Variants in JPT1 observed in about 807,000 individuals in gnomAD.
The protein encoded by JPT1 is androgen-regulated protein 2.
JPT1 carries 5 observed loss-of-function variants against 17.0 expected under a neutral mutation model. The observed-to-expected ratio is 0.29, with a 90% confidence interval of 0.15 to 0.62. The LOEUF (loss-of-function observed/expected upper bound fraction) is 0.62. JPT1 is among the 20% of genes least tolerant of loss of function. JPT1 has a pLI of 0.85. For missense variants in JPT1, 158 were observed against 188.1 expected (o/e 0.84, Z 0.94); for synonymous variants, 71 against 73.6 (o/e 0.96, Z 0.18).
intron 1 of JPT1, chr17:75,153,825 G>C (rs1282348165): frequency 6.6e-6 from 1 of 152,204 alleles, no homozygotes; most frequent in Non-Finnish European, 1.5e-5. Context: ...GGAGCCCGCC[G>C]GACCTGATCG....
chr17:75,154,489 ACCACCGCTGCAGGAG>A lies in JPT1; in HGVS notation c.-107_-93del. On this transcript the variant is annotated 5_prime_UTR_variant, in exon 1 of 5. Transcript: ENST00000409753. Reference sequence around the variant, plus strand: ...TGGGAAACTCCACACCCAACAGCCGACCACCGCTGCAGGAGCCGCCGCTGCCGCCTGTCCGGCCGA... The same window carrying A: ...TGGGAAACTCCACACCCAACAGCCGACCGCCGCTGCCGCCTGTCCGGCCGA... The A allele has an allele frequency of 8.0e-7, 1 of 1,243,614 alleles. No homozygotes were observed. 77.0% of individuals were successfully genotyped at this position (1,243,614 alleles called of 1,614,324 possible).
intron 2 of JPT1, 82 bp downstream of exon 2, chr17:75,148,447 A>ACATGCTGG (rs750742328): frequency 6.5e-4 from 987 of 1,525,610 alleles, no homozygotes; most frequent in Non-Finnish European, 8.3e-4. Flanking sequence ...ACACGGGGGC[A>ACATGCTGG]CATGCTGGTG....
intron 3 of JPT1, among the ~76,000 whole-genome samples, chr17:75,147,219 T>C (rs1480767064): frequency 6.6e-6 from 1 of 152,192 alleles, no homozygotes; most frequent in Non-Finnish European, 1.5e-5. Flanking sequence ...CCAATGGTAA[T>C]GCCAGCACTA....
chr17:75,151,264 AG>A (rs1390580924), intron 1 of JPT1, among the ~76,000 whole-genome samples: 3 of 151,952 alleles, frequency 2.0e-5, no homozygotes, highest in African/African-American at 7.3e-5. Flanking sequence ...ACCCTGTAGG[AG>A]GCGGAGCCTA....
At chr17:75,154,170 G>A (rs2074598073) in intron 1 of JPT1, 172 bp downstream of exon 1, 1 of 324,538 alleles carries the variant, frequency 3.1e-6, no homozygotes, top group Non-Finnish European at 5.3e-6. Context: ...CGGCGCGCAG[G>A]GCTCGCCAGG....
At chr17:75,148,186 TAA>T (rs2074477496) in intron 2 of JPT1, among the ~76,000 whole-genome samples, 1 of 152,212 alleles carries the variant, frequency 6.6e-6, no homozygotes, top group African/African-American at 2.4e-5. Flanking sequence ...CCTCTCAGGC[TAA>T]GTCTAAACTG....
chr17:75,154,278 C>A, intron 1 of JPT1, 64 bp downstream of exon 1: 1 of 1,342,510 alleles, frequency 7.4e-7, no homozygotes, highest in South Asian at 1.4e-5. Flanking sequence ...CGCGAGGCCC[C>A]GCCGGCAGCG....
intron 1 of JPT1, chr17:75,154,051 T>A: frequency 4.8e-6 from 1 of 208,030 alleles, no homozygotes. Context: ...CCCCGAAGGT[T>A]CCGATTAACG....
chr17:75,148,428 G>A, intron 2 of JPT1, 101 bp downstream of exon 2: 1 of 1,428,216 alleles, frequency 7.0e-7, no homozygotes, highest in East Asian at 2.3e-5. Flanking sequence ...GTTTTGTTTT[G>A]TTTTTTAGAC....
intron 4 of JPT1, chr17:75,142,787 TAC>T (rs1254869852): frequency 2.2e-6 from 1 of 456,180 alleles, no homozygotes; most frequent in Admixed American, 2.4e-5. Flanking sequence ...TCCAGAACAG[TAC>T]AAATAGAACA....
chr17:75,136,436 A>G (rs1195418373), intron 4 of JPT1, among the ~76,000 whole-genome samples, 186 bp from the exon 5 acceptor site: 1 of 151,832 alleles, frequency 6.6e-6, no homozygotes, highest in Non-Finnish European at 1.5e-5. Context: ...CTTTTCCCAT[A>G]TTTGTTGTTT....
intron 4 of JPT1, chr17:75,145,394 A>G (rs1489791488): frequency 6.6e-6 from 1 of 152,180 alleles, no homozygotes; most frequent in East Asian, 1.9e-4. Flanking sequence ...CCTTGCACTC[A>G]TCGGCAAGTC....
intron 1 of JPT1, among the ~76,000 whole-genome samples, chr17:75,151,005 C>G (rs2074542432): frequency 6.6e-6 from 1 of 151,800 alleles, no homozygotes; most frequent in Non-Finnish European, 1.5e-5. Flanking sequence ...AGGCGCCCGC[C>G]GGAACGCCCG....
rs570950133 is a variant in JPT1 at position 75,154,487 on chromosome 17, C to G, written c.-90G>C. 1.2e-5 allele frequency: 15 copies of G among 1,259,080 alleles called. No individual in the cohort carries two copies. In the South Asian group the frequency reaches 1.7e-4, roughly 15 times the overall value. 78.0% of individuals were successfully genotyped at this position (1,259,080 alleles called of 1,614,324 possible). A position where few individuals can be genotyped will look rare whatever the true frequency, so the allele number is the denominator to read the frequency against. On this transcript the variant is annotated 5_prime_UTR_variant, in exon 1 of 5. Transcript: ENST00000409753. ...GCTGGGAAACTCCACACCCAACAGC[C>G]GACCACCGCTGCAGGAGCCGCCGCT...
chr17:75,143,947 CAGG>C lies in JPT1; in HGVS notation c.316+2716_316+2718del, dbSNP rs527833186. 9.9e-5 allele frequency among the ~76,000 whole-genome samples: 15 copies of C among 152,178 alleles called. No homozygotes were observed. In the South Asian group the frequency reaches 3.1e-3, roughly 32 times the overall value. ...CAAAGGTAGGAAGACTGCTTGAGTC[CAGG>C]AGGTTGAGGCTATAGTGAGCAATGA... On this transcript the variant is annotated intron_variant, in intron 4 of 4. Transcript: ENST00000409753.
intron 4 of JPT1, among the ~76,000 whole-genome samples, chr17:75,141,826 T>C (rs2074315692): frequency 6.6e-6 from 1 of 152,036 alleles, no homozygotes; most frequent in Admixed American, 6.6e-5. Flanking sequence ...CCCAGCGCTT[T>C]GGGAGGCCAA....
intron 4 of JPT1, among the ~76,000 whole-genome samples, chr17:75,137,685 CTTTTTTT>C (rs60118585): frequency 0.01 from 1,140 of 112,758 alleles, 20 homozygotes; most frequent in African/African-American, 0.051. Flanking sequence ...CCTAGTTTTC[CTTTTTTT>C]TTTTTTTTTT....
chr17:75,137,685 CTTTTTT>C lies in JPT1; in HGVS notation c.317-1441_317-1436del, dbSNP rs60118585. Among the ~76,000 whole-genome samples the C allele has an allele frequency of 1.1e-3, 129 of 112,848 alleles. 1 individual carries two copies. The highest frequency in any genetic ancestry group is 5.3e-3 in the African/African-American group (110 of 20,748). The allele number at this position is 112,848 out of a possible 152,430, so 74.0% of individuals were successfully genotyped here. ...TCACCCTTCACACAGCCTAGTTTTCCTTTTTTTTTTTTTTTTTTTTTTTTTTTGAGA... is the reference window on the plus strand; with the variant it reads ...TCACCCTTCACACAGCCTAGTTTTCCTTTTTTTTTTTTTTTTTTTTTGAGA... On this transcript the variant is annotated intron_variant, in intron 4 of 4. Transcript: ENST00000409753.
Position 75,154,455 on chromosome 17 carries a change from G to A in JPT1, c.-58C>T. On this transcript the variant is annotated 5_prime_UTR_variant, in exon 1 of 5. Transcript: ENST00000409753. ...GCAGAACGCTCAAAGGGTCGGACCC[G>A]AGGGGCGCTGGGAAACTCCACACCC... 2 of 1,490,870 alleles carry A rather than the reference G, an allele frequency of 1.3e-6. No homozygotes were observed. Among genetic ancestry groups the A allele is most frequent in the East Asian group, 2.6e-5 (1 of 38,380 alleles). 92.4% of individuals were successfully genotyped at this position (1,490,870 alleles called of 1,614,324 possible). A position where few individuals can be genotyped will look rare whatever the true frequency, so the allele number is the denominator to read the frequency against.
Sources: allele counts gnomAD v4.1 joint callset (sites outside exome capture counted in the v4.1 genomes callset), GRCh38; gene constraint gnomAD v4.1.1; transcripts MANE v1.5; gene names NCBI Gene and HGNC (gene_info 2026-07-23, HGNC 2026-07-21).